Variants in CEP250 observed in about 807,000 individuals in gnomAD.
CEP250 encodes the protein centrosomal protein 250, also known as centrosome-associated protein CEP250.
A neutral mutation model predicts 315.7 loss-of-function variants in CEP250; 242 were observed. That is an observed-to-expected ratio of 0.77 (90% CI 0.69 to 0.85). The LOEUF (loss-of-function observed/expected upper bound fraction) is 0.85, where lower values mean the gene tolerates loss of function less well. Ranked by LOEUF, CEP250 falls within the 40% of genes least tolerant of loss-of-function variation. The pLI is 0.00. For missense variants in CEP250, 2,515 were observed against 2,886.4 expected, an observed-to-expected ratio of 0.87 and a Z score of 2.95; for synonymous variants, 1,088 against 1,175.0, an observed-to-expected ratio of 0.93 and a Z score of 1.51.
At chr20:35,490,491 T>G (rs2063655415) in intron 20 of CEP250, 146 bp from the exon 21 acceptor site, 1 of 540,292 alleles carries the variant, frequency 1.9e-6, no homozygotes, top group Admixed American at 3.5e-5. Context: ...ATATTAGCCT[T>G]GCTTTACAGA....
chr20:35,490,748 G>T lies in CEP250; in HGVS notation c.2698G>T (p.Ala900Ser), dbSNP rs2063664119. Residue 900 changes from alanine (A) to serine (S), a missense_variant, in exon 21 of 35, where the codon GCC (alanine) becomes TCC (serine). Physicochemically the swap from Ala to Ser is moderately conservative, Grantham distance 99. Coordinates refer to ENST00000397527, the MANE Select transcript of CEP250 (RefSeq NM_007186.6). ...AAAGGAGCAGCAGACAGAAATGGAG[G>T]CCATCCAGGCCCAGAGGGAAGAAGA... is the stretch of plus-strand genomic sequence containing the variant. ...RLKEQQTEME[A>S]IQAQREEERT... 1.2e-6 allele frequency: 2 copies of T among 1,613,750 alleles called. No homozygotes were observed. The highest frequency in any genetic ancestry group is 3.3e-5 in the Admixed American group (2 of 59,992).
At chr20:35,480,392 G>A (rs910942265) in intron 20 of CEP250, among the ~76,000 whole-genome samples, 7 of 152,074 alleles carry the variant, frequency 4.6e-5, no homozygotes, top group African/African-American at 1.7e-4. Flanking sequence ...ATTGAGAGTG[G>A]ACCCTGGGAT....
chr20:35,514,126 G>A lies in CEP250; in HGVS notation c.*2500G>A, dbSNP rs1185906449. 6.6e-6 allele frequency: 1 copy of A among 152,352 alleles called. No individual in the cohort carries two copies. The highest frequency in any genetic ancestry group is 1.9e-4 in the East Asian group (1 of 5,198). The allele number at this position is 152,352 out of a possible 1,614,324, so 9.4% of individuals were successfully genotyped here. On this transcript the variant is annotated 3_prime_UTR_variant, in exon 35 of 35. Transcript: ENST00000397527. ...GAGACCTGAAGTGGGGAAGTGTGAA[G>A]GAAGGAATATGTGTCATCCAGGGGG...
chr20:35,485,315 A>G (rs2063477521), intron 20 of CEP250, among the ~76,000 whole-genome samples: 1 of 150,194 alleles, frequency 6.7e-6, no homozygotes, highest in African/African-American at 2.4e-5. Flanking sequence ...TGGAGGTTGC[A>G]GTGAGCCAAG....
Position 35,518,718 on chromosome 20 carries a change from T to C in CEP250, c.*7092T>C, listed in dbSNP as rs1213475841. On this transcript the variant is annotated 3_prime_UTR_variant, in exon 35 of 35. Coordinates refer to ENST00000397527, the MANE Select transcript of CEP250 (RefSeq NM_007186.6). ...CTTGTCTAGGCCTAGAATCTTTTAGTGAAGAAAAAGTATTTAGAAGACAAA... is the reference window on the plus strand; with the variant it reads ...CTTGTCTAGGCCTAGAATCTTTTAGCGAAGAAAAAGTATTTAGAAGACAAA... 2 of 152,056 alleles carry C rather than the reference T, an allele frequency of 1.3e-5. No individual in the cohort carries two copies. Among genetic ancestry groups the C allele is most frequent in the Admixed American group, 6.6e-5 (1 of 15,256 alleles). 9.4% of individuals were successfully genotyped at this position (152,056 alleles called of 1,614,324 possible).
intron 20 of CEP250, among the ~76,000 whole-genome samples, chr20:35,483,589 C>T (rs546210355): frequency 6.6e-6 from 1 of 151,130 alleles, no homozygotes; most frequent in African/African-American, 2.4e-5. Context: ...AGGCTGGTCT[C>T]GAACTCCTGG....
intron 2 of CEP250, 130 bp from the exon 3 acceptor site, chr20:35,459,852 CA>C (rs992250310): frequency 6.6e-6 from 1 of 152,062 alleles, no homozygotes; most frequent in African/African-American, 2.4e-5. Context: ...AGGGATTCAA[CA>C]AAGTGTGAGG....
chr20:35,493,407 A>G (rs1483694657), intron 22 of CEP250, 22 bp from the exon 23 acceptor site: 7 of 1,532,460 alleles, frequency 4.6e-6, no homozygotes, highest in African/African-American at 1.4e-5. Flanking sequence ...CCTCTACTCA[A>G]TGATTTCTTA....
At position 35,517,174 on chromosome 20, in the gene CEP250, G is replaced by GCCTTTAGCAGGGCAC; in HGVS notation, c.*5549_*5550insCTTTAGCAGGGCACC. The GCCTTTAGCAGGGCAC allele has an allele frequency of 4.2e-6, 1 of 238,088 alleles. No homozygotes were observed. Among genetic ancestry groups the GCCTTTAGCAGGGCAC allele is most frequent in the Non-Finnish European group, 6.8e-6 (1 of 146,466 alleles). The allele number at this position is 238,088 out of a possible 1,614,324, so 14.7% of individuals were successfully genotyped here. ...CCTATTCAGTCCTCAAGGGTGCCCT[G>GCCTTTAGCAGGGCAC]CTAAAGGCTGGGCTGAAAGCTAAGA... On this transcript the variant is annotated 3_prime_UTR_variant, in exon 35 of 35. Transcript: ENST00000397527.
intron 16 of CEP250, 47 bp downstream of exon 16, chr20:35,476,642 TGA>T: frequency 6.4e-7 from 1 of 1,568,996 alleles, no homozygotes; most frequent in Non-Finnish European, 8.8e-7. Flanking sequence ...GGGCCCTAAC[TGA>T]GAGCAAGACG....
At position 35,513,241 on chromosome 20, in the gene CEP250, C is replaced by A; in HGVS notation, c.*1615C>A. 6.6e-6 allele frequency: 1 copy of A among 152,106 alleles called. No homozygotes were observed. Among genetic ancestry groups the A allele is most frequent in the Non-Finnish European group, 1.5e-5 (1 of 68,074 alleles). The allele number at this position is 152,106 out of a possible 1,614,324, so 9.4% of individuals were successfully genotyped here. A position where few individuals can be genotyped will look rare whatever the true frequency, so the allele number is the denominator to read the frequency against. Reference sequence around the variant, plus strand: ...TTAAAATCCTTACCTGGCTTTTAGGCCATTTATTTCTTTTTCCTTTTTTTT... The same window carrying A: ...TTAAAATCCTTACCTGGCTTTTAGGACATTTATTTCTTTTTCCTTTTTTTT... On this transcript the variant is annotated 3_prime_UTR_variant, in exon 35 of 35. Transcript: ENST00000397527.
intron 9 of CEP250, among the ~76,000 whole-genome samples, chr20:35,467,969 G>A (rs905005997): frequency 2.4e-5 from 3 of 123,896 alleles, no homozygotes; most frequent in East Asian, 4.4e-4. Flanking sequence ...TTTTTGAGAC[G>A]GAGTCTCATT....
intron 23 of CEP250, among the ~76,000 whole-genome samples, chr20:35,494,102 A>T (rs2063770493): frequency 6.6e-6 from 1 of 152,126 alleles, no homozygotes; most frequent in Non-Finnish European, 1.5e-5. Context: ...CAGCCCCCTG[A>T]GTAGCTGGGA....
intron 33 of CEP250, among the ~76,000 whole-genome samples, 178 bp from the exon 34 acceptor site, chr20:35,509,820 G>A (rs567573437): frequency 1.3e-5 from 2 of 152,352 alleles, no homozygotes; most frequent in South Asian, 2.1e-4. Context: ...TGCTGGTGTG[G>A]GGCCTCTCCT....
chr20:35,463,511 C>A, intron 4 of CEP250, 64 bp from the exon 5 acceptor site: 2 of 1,449,420 alleles, frequency 1.4e-6, no homozygotes, highest in African/African-American at 1.4e-5. Flanking sequence ...TCCTCAGGGG[C>A]CTTTGCTTTG....
chr20:35,467,487 T>C lies in CEP250; in HGVS notation c.783T>C (p.His261=). ...AKTQELEKEA[H]ERSQELIQLK... ...CCCAGGAGCTGGAGAAGGAAGCCCA[T>C]GAAAGGAGCCAGGAGTTAATACAGC... The change falls in exon 9 of 35, where the codon CAT becomes CAC. Residue 261 remains histidine, a synonymous_variant. Coordinates refer to ENST00000397527, the MANE Select transcript of CEP250 (RefSeq NM_007186.6). 6.2e-7 allele frequency: 1 copy of C among 1,614,084 alleles called. No individual in the cohort carries two copies. The highest frequency in any genetic ancestry group is 8.5e-7 in the Non-Finnish European group (1 of 1,180,018).
At chr20:35,508,273 G>T (rs142654420) in intron 32 of CEP250, 83 bp downstream of exon 32, 3 of 1,441,790 alleles carry the variant, frequency 2.1e-6, no homozygotes, top group Admixed American at 2.0e-5. Flanking sequence ...ATTACAGCCT[G>T]TGGGCCAAAT....
At position 35,502,379 on chromosome 20, in the gene CEP250, T is replaced by G. The variant is rs769553181; in HGVS notation, c.4021-11T>G. On this transcript the variant is annotated splice_polypyrimidine_tract_variant and intron_variant, in intron 29 of 34. Transcript: ENST00000397527. ...GTGTAGTCTAAAGTGGCTTTTCATC[T>G]TGTCTTCTAGGGTGAGCGAGAGTTA... 1.3e-5 allele frequency: 20 copies of G among 1,597,274 alleles called. No individual in the cohort carries two copies. In the East Asian group the frequency reaches 3.6e-4, roughly 29 times the overall value.
chr20:35,503,441 C>A lies in CEP250; in HGVS notation c.5072C>A (p.Ser1691Tyr), dbSNP rs756745959. 5.0e-6 allele frequency: 8 copies of A among 1,613,912 alleles called. No homozygotes were observed. Among genetic ancestry groups the A allele is most frequent in the Non-Finnish European group, 8.5e-7 (1 of 1,180,000 alleles). ...GAGGACCTGGAACAGATCAAGCTGT[C>A]CTTGAGAGAGCGAGGCCGGGAGCTG... ...LEEDLEQIKL[S>Y]LRERGRELTT... Residue 1691 changes from serine to tyrosine, a missense_variant, in exon 30 of 35, where the codon TCC (serine) becomes TAC (tyrosine). Transcript: ENST00000397527. The surrounding 1 kb of genome is among the most constrained non-coding windows in gnomAD (Gnocchi z 4.2).
Sources: allele counts gnomAD v4.1 joint callset (sites outside exome capture counted in the v4.1 genomes callset), GRCh38; gene constraint gnomAD v4.1.1; non-coding constraint Gnocchi (gnomAD v3.1); transcripts MANE v1.5; gene names NCBI Gene and HGNC (gene_info 2026-07-23, HGNC 2026-07-21).